UPP2: variants seen among roughly 807,000 people sequenced by gnomAD.
The protein encoded by UPP2 is UPase 2.
In UPP2, 23 loss-of-function variants were observed where a neutral mutation model predicts 26.7. The observed-to-expected ratio is 0.86, with a 90% CI of 0.62 to 1.22. The LOEUF is 1.22. UPP2 is among the 50% of genes most tolerant of loss of function. The pLI, the probability that UPP2 is intolerant of heterozygous loss-of-function variation, is 0.00. For synonymous variants in UPP2, 127 were observed against 141.3 expected (o/e 0.90, Z 0.72); for missense variants, 387 against 396.7 (o/e 0.98, Z 0.21).
intron 3 of UPP2, among the ~76,000 whole-genome samples, chr2:158,049,567 A>G (rs1382353772): frequency 1.3e-5 from 2 of 152,322 alleles, no homozygotes; most frequent in Middle Eastern, 3.4e-3. Flanking sequence ...GGGGTAATAC[A>G]TTAGTGAGCT....
intron 6 of UPP2, among the ~76,000 whole-genome samples, chr2:158,125,910 AC>A (rs1327642851): frequency 6.6e-6 from 1 of 152,216 alleles, no homozygotes; most frequent in African/African-American, 2.4e-5. Flanking sequence ...ACAAGTGATC[AC>A]TTGAGTCATG....
chr2:158,064,401 A>C (rs1392540754), intron 3 of UPP2, among the ~76,000 whole-genome samples: 1 of 151,292 alleles, frequency 6.6e-6, no homozygotes, highest in Non-Finnish European at 1.5e-5. Flanking sequence ...TCTTCTTTTG[A>C]GAAGTGTCTG....
chr2:158,024,209 A>G (rs1051098854), intron 3 of UPP2, among the ~76,000 whole-genome samples: 5 of 152,162 alleles, frequency 3.3e-5, no homozygotes, highest in Non-Finnish European at 4.4e-5. Flanking sequence ...GACTTAGAGC[A>G]TATAAGGTTT....
At chr2:158,001,251 T>C (rs1683400827) in intron 2 of UPP2, among the ~76,000 whole-genome samples, 1 of 152,148 alleles carries the variant, frequency 6.6e-6, no homozygotes, top group Non-Finnish European at 1.5e-5. Flanking sequence ...GTAGAGTTTA[T>C]TAAGGAGATT....
intron 3 of UPP2, among the ~76,000 whole-genome samples, chr2:158,051,752 G>C (rs898893399): frequency 1.3e-5 from 2 of 150,512 alleles, no homozygotes; most frequent in African/African-American, 4.9e-5. Flanking sequence ...CTGCACTCCA[G>C]CCCGGGCAAC....
chr2:158,046,288 T>C (rs974575332), intron 3 of UPP2, among the ~76,000 whole-genome samples: 3 of 152,218 alleles, frequency 2.0e-5, no homozygotes, highest in African/African-American at 7.2e-5. Flanking sequence ...TGTTTGCTCA[T>C]AGTTTCCACT....
intron 1 of UPP2, among the ~76,000 whole-genome samples, chr2:158,102,705 C>T (rs1683101870): frequency 6.6e-6 from 1 of 152,188 alleles, no homozygotes; most frequent in South Asian, 2.1e-4. Flanking sequence ...CATTAATCAT[C>T]ATGAGGCATA....
At chr2:158,134,044 A>G (rs1368648292) in intron 6 of UPP2, 1 of 152,260 alleles carries the variant, frequency 6.6e-6, no homozygotes, top group Non-Finnish European at 1.5e-5. Context: ...TTCAAAAATA[A>G]GAGTTTCATT....
chr2:158,018,838 C>T (rs557688666), intron 3 of UPP2, among the ~76,000 whole-genome samples: 33 of 152,256 alleles, frequency 2.2e-4, no homozygotes, highest in African/African-American at 6.3e-4. Context: ...TCTGTGAAAA[C>T]GGCCATATAT....
intron 2 of UPP2, among the ~76,000 whole-genome samples, chr2:158,109,939 A>G (rs1055185794): frequency 4.6e-5 from 7 of 152,218 alleles, no homozygotes; most frequent in African/African-American, 1.4e-4. Context: ...AACATATTAT[A>G]TCTACAGAAT....
intron 3 of UPP2, among the ~76,000 whole-genome samples, chr2:158,040,315 G>A (rs1684066716): frequency 1.3e-5 from 2 of 152,274 alleles, no homozygotes; most frequent in South Asian, 4.1e-4. Flanking sequence ...TGTATCAACT[G>A]ATGAGTACTA....
At chr2:158,058,089 C>G (rs59476889) in intron 3 of UPP2, among the ~76,000 whole-genome samples, 1 of 151,734 alleles carries the variant, frequency 6.6e-6, no homozygotes, top group Non-Finnish European at 1.5e-5. Flanking sequence ...GTCAGGAGAT[C>G]GAGACCATCC....
At chr2:158,003,801 A>G (rs1223173804) in intron 2 of UPP2, among the ~76,000 whole-genome samples, 1 of 152,152 alleles carries the variant, frequency 6.6e-6, no homozygotes, top group African/African-American at 2.4e-5. Context: ...GGCTTTTAAT[A>G]TATGGGTATA....
intron 2 of UPP2, among the ~76,000 whole-genome samples, chr2:158,111,640 C>T (rs1430775812): frequency 1.3e-5 from 2 of 152,062 alleles, no homozygotes; most frequent in African/African-American, 4.8e-5. Context: ...GCTCTGCTTT[C>T]CATTTCTTTA....
intron 3 of UPP2, among the ~76,000 whole-genome samples, chr2:158,035,011 G>C (rs943789220): frequency 2.0e-5 from 3 of 152,084 alleles, no homozygotes; most frequent in African/African-American, 7.2e-5. Context: ...GTGAAGCAGA[G>C]GTGTGGAAAA....
At chr2:158,029,234 T>C (rs1160637) in intron 3 of UPP2, among the ~76,000 whole-genome samples, 33,724 of 152,226 alleles carry the variant, frequency 0.22, 5,961 homozygotes, top group African/African-American at 0.48. Context: ...AAACTAAATG[T>C]ACTGTTCTAA....
intron 2 of UPP2, chr2:158,015,778 C>T (rs973597747): frequency 2.2e-6 from 1 of 453,306 alleles, no homozygotes; most frequent in East Asian, 7.0e-5. Context: ...CTCTGTCTCT[C>T]TCTCCTGCTC....
intron 2 of UPP2, among the ~76,000 whole-genome samples, chr2:158,006,778 C>G (rs1683496204): frequency 6.6e-6 from 1 of 152,190 alleles, no homozygotes; most frequent in African/African-American, 2.4e-5. Flanking sequence ...CTCCTTCCTG[C>G]TCTTACTCAA....
In UPP2 at chr2:158,033,683, C is replaced by T. The variant is rs148765785; in HGVS notation, c.147+17797C>T. 5.5e-4 allele frequency among the ~76,000 whole-genome samples: 83 copies of T among 152,214 alleles called. 1 individual carries two copies. The highest frequency in any genetic ancestry group is 1.9e-3 in the African/African-American group (79 of 41,526). Reference sequence around the variant, plus strand: ...TCTACCTGCAGGCAGCTGTCCAACACGTTATAATTAAAGGGGTTCCACAAG... The same window carrying T: ...TCTACCTGCAGGCAGCTGTCCAACATGTTATAATTAAAGGGGTTCCACAAG... On this transcript the variant is annotated intron_variant, in intron 3 of 9. Coordinates refer to the UPP2 transcript ENST00000605860.
Sources: allele counts gnomAD v4.1 joint callset (sites outside exome capture counted in the v4.1 genomes callset), GRCh38; gene constraint gnomAD v4.1.1; transcripts MANE v1.5; gene names NCBI Gene and HGNC (gene_info 2026-07-23, HGNC 2026-07-21).